The following UGT3A2 variants were observed in gnomAD, a reference collection of about 807,000 sequenced individuals.
The protein encoded by UGT3A2 is UDP-glycosyltransferase 3A2.
Under a neutral mutation model 39.8 loss-of-function variants are expected in UGT3A2, and 32 were observed. The observed-to-expected ratio is 0.80, with a 90% CI of 0.61 to 1.08. The LOEUF (loss-of-function observed/expected upper bound fraction) is 1.08. UGT3A2 is among the 50% of genes least tolerant of loss of function. The pLI is 0.00. For missense variants in UGT3A2, 611 were observed against 637.1 expected (o/e 0.96, Z 0.44); for synonymous variants, 241 against 230.7 (o/e 1.04, Z -0.40).
chr5:36,066,589 C>A (rs942780157), intron 1 of UGT3A2, 107 bp downstream of exon 1: 7 of 1,578,638 alleles, frequency 4.4e-6, no homozygotes, highest in African/African-American at 1.3e-5. Flanking sequence ...GCAAGCCCAG[C>A]CTGGAAAATC....
intron 2 of UGT3A2, among the ~76,000 whole-genome samples, chr5:36,055,770 T>A (rs1441143430): frequency 1.3e-5 from 2 of 152,252 alleles, no homozygotes; most frequent in Non-Finnish European, 2.9e-5. Flanking sequence ...TTTACTTCTA[T>A]TCCTTTTCCT....
chr5:36,036,832 C>T (rs1373077803), intron 6 of UGT3A2, among the ~76,000 whole-genome samples: 1 of 152,072 alleles, frequency 6.6e-6, no homozygotes, highest in Non-Finnish European at 1.5e-5. Context: ...TGGTTTGTGC[C>T]CTTGAAACTC....
intron 6 of UGT3A2, 63 bp downstream of exon 6, chr5:36,037,734 T>C (rs1580994527): frequency 1.3e-6 from 2 of 1,565,638 alleles, no homozygotes; most frequent in Non-Finnish European, 1.8e-6. Context: ...CAGACTCCCA[T>C]AGTGCCCTTA....
chr5:36,053,230 T>A (rs781167692), intron 2 of UGT3A2, among the ~76,000 whole-genome samples: 2 of 152,204 alleles, frequency 1.3e-5, no homozygotes, highest in Non-Finnish European at 2.9e-5. Context: ...GATAAGCCAT[T>A]GTCCCATGCA....
chr5:36,035,350 T>C lies in UGT3A2; in HGVS notation c.*348A>G. On this transcript the variant is annotated 3_prime_UTR_variant, in exon 7 of 7. Transcript: ENST00000282507. ...CATGGAGGCTGGAAGAGTCAGGGTG[T>C]GATTCGGAGAGGCGCATGAGAAGGA... The C allele has an allele frequency of 3.4e-6, 1 of 293,040 alleles. No individual in the cohort carries two copies. The highest frequency in any genetic ancestry group is 6.5e-6 in the Non-Finnish European group (1 of 152,714). The allele number at this position is 293,040 out of a possible 1,614,324, so 18.2% of individuals were successfully genotyped here. A position where few individuals can be genotyped will look rare whatever the true frequency, so the allele number is the denominator to read the frequency against.
chr5:36,037,074 C>A (rs1164820487), intron 6 of UGT3A2, among the ~76,000 whole-genome samples: 1 of 152,148 alleles, frequency 6.6e-6, no homozygotes, highest in Non-Finnish European at 1.5e-5. Flanking sequence ...AGCTAACTCT[C>A]CACTCTCTGG....
At chr5:36,066,565 C>A in intron 1 of UGT3A2, 131 bp downstream of exon 1, 1 of 1,527,392 alleles carries the variant, frequency 6.5e-7, no homozygotes, top group Non-Finnish European at 9.0e-7. Context: ...CTTCTCCCTC[C>A]TCCAGCCGGG....
chr5:36,035,963 G>A lies in UGT3A2; in HGVS notation c.1307C>T (p.Ala436Val), dbSNP rs767595305. The A allele has an allele frequency of 1.2e-5, 19 of 1,613,608 alleles. No individual in the cohort carries two copies. The highest frequency in any genetic ancestry group is 4.0e-5 in the African/African-American group (3 of 74,920). ...CAGGATGACACTGGCAGCCACTGCC[G>A]CGGACTTGTATCTGTTGAGAGAGAT... ...QIMEDKRYKS[A>V]AVAASVILRS... The change falls in exon 7 of 7, where the codon GCG becomes GTG. Residue 436 changes from alanine (A) to valine (V), a missense_variant. Coordinates refer to ENST00000282507, the MANE Select transcript of UGT3A2 (RefSeq NM_174914.4).
chr5:36,066,656 G>A (rs777909721), intron 1 of UGT3A2, 40 bp downstream of exon 1: 6 of 1,612,908 alleles, frequency 3.7e-6, no homozygotes, highest in Non-Finnish European at 4.2e-6. Context: ...GCGAGTATCC[G>A]GGACGCGCCT....
chr5:36,046,152 T>A (rs536256730), intron 4 of UGT3A2, among the ~76,000 whole-genome samples: 1 of 151,720 alleles, frequency 6.6e-6, no homozygotes, highest in East Asian at 1.9e-4. Context: ...AACTCGCACA[T>A]TGTTTGTGGG....
intron 4 of UGT3A2, among the ~76,000 whole-genome samples, chr5:36,044,859 C>A (rs1351139576): frequency 6.6e-6 from 1 of 152,072 alleles, no homozygotes; most frequent in Non-Finnish European, 1.5e-5. Flanking sequence ...GAAAGCTATT[C>A]CACGTTCATG....
At chr5:36,056,416 C>T (rs1269491204) in intron 2 of UGT3A2, among the ~76,000 whole-genome samples, 3 of 152,172 alleles carry the variant, frequency 2.0e-5, no homozygotes, top group East Asian at 1.9e-4. Context: ...CCATTCATCC[C>T]GGGCAGCTTT....
In UGT3A2 at chr5:36,059,210, C is replaced by T. The variant is rs182082266; in HGVS notation, c.196+5039G>A. Among the ~76,000 whole-genome samples the T allele has an allele frequency of 4.6e-5, 7 of 152,210 alleles. No individual in the cohort carries two copies. The East Asian group carries it at 1.4e-3, about 29-fold the overall frequency. ...AAAGCCCAGAAAAAATTAAAACCAA[C>T]CAGATGAACGAGAAACCCCATTACA... On this transcript the variant is annotated intron_variant, in intron 2 of 6. Coordinates refer to ENST00000282507, the MANE Select transcript of UGT3A2 (RefSeq NM_174914.4).
At chr5:36,040,448 T>A (rs551645934) in intron 4 of UGT3A2, among the ~76,000 whole-genome samples, 1 of 152,078 alleles carries the variant, frequency 6.6e-6, no homozygotes, top group Non-Finnish European at 1.5e-5. Flanking sequence ...GGTTTTAACA[T>A]CATACCGAGG....
intron 6 of UGT3A2, 27 bp downstream of exon 6, chr5:36,037,770 T>C (rs752831077): frequency 3.7e-6 from 6 of 1,612,874 alleles, no homozygotes; most frequent in South Asian, 3.3e-5. Flanking sequence ...TTCGTCATTA[T>C]GACCACAACC....
rs1742809013 is a variant in UGT3A2, at chr5:36,064,281, A to C, written c.164T>G (p.Met55Arg). Residue 55 changes from methionine to arginine, a missense_variant, in exon 2 of 7, where the codon ATG (methionine) becomes AGG (arginine). Transcript: ENST00000282507. The part of the protein sequence containing the change: ...ILQDHGHNVT[M>R]LNHKRGPFMP... ...AAAAGGACCTCTTTTGTGGTTAAGC[A>C]TGGTGACATTATGACCGTGATCTTG... The C allele has an allele frequency of 1.9e-6, 3 of 1,614,206 alleles. No homozygotes were observed. The highest frequency in any genetic ancestry group is 2.5e-6 in the Non-Finnish European group (3 of 1,180,030).
chr5:36,038,482 T>C (rs1008499429), intron 5 of UGT3A2, among the ~76,000 whole-genome samples: 9 of 152,228 alleles, frequency 5.9e-5, no homozygotes, highest in African/African-American at 2.2e-4. Flanking sequence ...ACAACTCATA[T>C]GTCACTCATA....
In UGT3A2 at chr5:36,035,699, T is replaced by C. The variant is rs1741796737; in HGVS notation, c.1571A>G (p.Ter524=). ...ACCCCGCCAAGGCTGCACCTGGCCT[T>C]ATGTCTCCTTCACCTTTCTGGCCCC... The part of the protein sequence containing the change: ...LRGARKVKET[*] The change falls in exon 7 of 7, where the codon TAA becomes TGA. Residue 524 remains the stop codon, a stop_retained_variant. Transcript: ENST00000282507. The C allele has an allele frequency of 6.2e-7, 1 of 1,613,838 alleles. No individual in the cohort carries two copies.
At chr5:36,039,999 G>A (rs979458238) in intron 4 of UGT3A2, among the ~76,000 whole-genome samples, 5 of 152,130 alleles carry the variant, frequency 3.3e-5, no homozygotes, top group African/African-American at 1.2e-4. Flanking sequence ...CAGACTAGAG[G>A]TAATAGTATC....
Sources: allele counts gnomAD v4.1 joint callset (sites outside exome capture counted in the v4.1 genomes callset), GRCh38; gene constraint gnomAD v4.1.1; transcripts MANE v1.5; gene names NCBI Gene and HGNC (gene_info 2026-07-23, HGNC 2026-07-21).